PSMD7: variants seen among roughly 807,000 people sequenced by gnomAD.
The protein encoded by PSMD7 is proteasome 26S subunit, non-ATPase 7.
PSMD7 carries 13 observed loss-of-function variants against 36.4 expected under a neutral mutation model. The observed-to-expected ratio is 0.36, with a 90% CI of 0.23 to 0.57. The LOEUF is 0.57. Ranked by LOEUF, PSMD7 falls within the 20% of genes least tolerant of loss-of-function variation. The pLI is 0.83. For synonymous variants in PSMD7, 186 were observed against 151.0 expected (o/e 1.23, Z -1.70); for missense variants, 298 against 393.6 (o/e 0.76, Z 2.06).
At position 74,296,824 on chromosome 16, in the gene PSMD7, G is replaced by A. The variant is rs2034115388; in HGVS notation, c.-91G>A. The A allele has an allele frequency of 1.4e-6, 2 of 1,380,862 alleles. No homozygotes were observed. Among genetic ancestry groups the A allele is most frequent in the Non-Finnish European group, 2.0e-6 (2 of 985,148 alleles). The allele number at this position is 1,380,862 out of a possible 1,614,324, so 85.5% of individuals were successfully genotyped here. A position where few individuals can be genotyped will look rare whatever the true frequency, so the allele number is the denominator to read the frequency against. On this transcript the variant is annotated 5_prime_UTR_variant, in exon 1 of 7. Transcript: ENST00000219313. ...GAGGGCTGACGAACCGGAAGAAGAG[G>A]AACTGGGCCTGAAAGGGTACCGGTG...
At position 74,304,280 on chromosome 16, in the gene PSMD7, T is replaced by G. The variant is rs1466023961; in HGVS notation, c.439-23T>G. 21 of 1,600,746 alleles carry G rather than the reference T, an allele frequency of 1.3e-5. 1 individual carries two copies. The highest frequency in any genetic ancestry group is 9.9e-5 in the South Asian group (9 of 90,784). On this transcript the variant is annotated intron_variant, in intron 5 of 6. Coordinates refer to ENST00000219313, the MANE Select transcript of PSMD7 (RefSeq NM_002811.5). ...AGTTCGTTTGTGGAAAATAAATAAT[T>G]ATAGTTAGGCTTCCTCTCCCAGGAT... is the stretch of plus-strand genomic sequence containing the variant.
At position 74,303,066 on chromosome 16, in the gene PSMD7, G is replaced by GTACA. The variant is rs2034168994; in HGVS notation, c.438+775_438+778dup. ...TTTAGAAAAGGAATTGAGGTTGCTCGTACACATGCACCCCAGTGAAGCAAG... is the reference window on the plus strand; with the variant it reads ...TTTAGAAAAGGAATTGAGGTTGCTCGTACATACACATGCACCCCAGTGAAGCAAG... On this transcript the variant is annotated intron_variant, in intron 5 of 6. Transcript: ENST00000219313. Among the ~76,000 whole-genome samples the GTACA allele has an allele frequency of 2.0e-5, 3 of 152,226 alleles. No individual in the cohort carries two copies. The South Asian group carries it at 6.2e-4, about 32-fold the overall frequency.
chr16:74,302,433 C>G (rs2034163037), intron 5 of PSMD7, 141 bp downstream of exon 5: 3 of 679,600 alleles, frequency 4.4e-6, no homozygotes, highest in South Asian at 3.9e-5. Flanking sequence ...CTTTTTTAAT[C>G]ACCACATTTT....
chr16:74,301,687 T>G, intron 4 of PSMD7, 35 bp downstream of exon 4: 2 of 1,522,618 alleles, frequency 1.3e-6, no homozygotes, highest in Non-Finnish European at 1.8e-6. Flanking sequence ...TCTTGAATGA[T>G]TTTTTTTGCC....
Position 74,306,076 on chromosome 16 carries a change from T to TG in PSMD7, c.*347dup. 5.6e-6 allele frequency: 1 copy of TG among 178,384 alleles called. No homozygotes were observed. Among genetic ancestry groups the TG allele is most frequent in the Non-Finnish European group, 1.2e-5 (1 of 84,798 alleles). The allele number at this position is 178,384 out of a possible 1,614,324, so 11.1% of individuals were successfully genotyped here. ...AATTTTCCTCATCTTGAAAGACTCT[T>TG]GGGGTCTGTTTCTGGTATTTTACAA... On this transcript the variant is annotated 3_prime_UTR_variant, in exon 7 of 7. Coordinates refer to ENST00000219313, the MANE Select transcript of PSMD7 (RefSeq NM_002811.5).
rs1878362929 is a variant in PSMD7, at chr16:74,305,379, T to A, written c.621T>A (p.Asp207Glu). 2 of 1,614,058 alleles carry A rather than the reference T, an allele frequency of 1.2e-6. No homozygotes were observed. The highest frequency in any genetic ancestry group is 1.7e-6 in the Non-Finnish European group (2 of 1,180,038). Residue 207 changes from aspartate (D) to glutamate (E), a missense_variant, in exon 7 of 7, where the codon GAT (aspartate) becomes GAA (glutamate). Asp to Glu is a conservative substitution (Grantham distance 45, BLOSUM62 2). Coordinates refer to ENST00000219313, the MANE Select transcript of PSMD7 (RefSeq NM_002811.5). Reference protein sequence around the residue: ...GLKGLNSKLLDIRSYLEKVAT... With the variant: ...GLKGLNSKLLEIRSYLEKVAT... ...AGGGACTGAACTCCAAGCTTCTGGATATCAGGAGCTACCTGGAAAAAGTCG... is the reference window on the plus strand; with the variant it reads ...AGGGACTGAACTCCAAGCTTCTGGAAATCAGGAGCTACCTGGAAAAAGTCG...
chr16:74,303,372 C>T (rs764520033), intron 5 of PSMD7, among the ~76,000 whole-genome samples: 80 of 152,196 alleles, frequency 5.3e-4, no homozygotes, highest in African/African-American at 1.8e-3. Flanking sequence ...AAATTTGAAC[C>T]CAGGTAGCCT....
chr16:74,302,905 C>T (rs930352894), intron 5 of PSMD7, among the ~76,000 whole-genome samples: 11 of 152,318 alleles, frequency 7.2e-5, no homozygotes, highest in Admixed American at 2.6e-4. Context: ...TTCCTTGCAT[C>T]GAGCTCTGTC....
intron 5 of PSMD7, among the ~76,000 whole-genome samples, chr16:74,302,676 A>G (rs1567526107): frequency 6.6e-6 from 1 of 152,162 alleles, no homozygotes. Flanking sequence ...CCAGGAGTTC[A>G]AGGTTACAGT....
intron 1 of PSMD7, among the ~76,000 whole-genome samples, chr16:74,297,365 T>C (rs371670553): frequency 5.3e-5 from 8 of 151,754 alleles, no homozygotes; most frequent in African/African-American, 1.9e-4. Context: ...GTCACTTCGT[T>C]TTGAAGTTCG....
Position 74,300,104 on chromosome 16 carries a change from T to A in PSMD7, c.75-11T>A, listed in dbSNP as rs75235186. On this transcript the variant is annotated splice_polypyrimidine_tract_variant and intron_variant, in intron 1 of 6. Transcript: ENST00000219313. ...AGCCTATCCACACTGACCATCTGTTTTCTCATTCAGAATCGGCAAGGTTGG... is the reference window on the plus strand; with the variant it reads ...AGCCTATCCACACTGACCATCTGTTATCTCATTCAGAATCGGCAAGGTTGG... The A allele has an allele frequency of 3.9e-4, 634 of 1,613,524 alleles. 3 individuals are homozygous for A. The African/African-American group carries it at 7.2e-3, about 18-fold the overall frequency.
chr16:74,299,659 G>A (rs1365989831), intron 1 of PSMD7: 2 of 425,770 alleles, frequency 4.7e-6, no homozygotes, highest in African/African-American at 2.0e-5. Context: ...CTCTCGAAGT[G>A]CTGGGATTAC....
At chr16:74,304,225 A>C (rs1400850449) in intron 5 of PSMD7, 78 bp from the exon 6 acceptor site, 2 of 1,302,412 alleles carry the variant, frequency 1.5e-6, no homozygotes, top group Non-Finnish European at 2.2e-6. Flanking sequence ...TTAAAGCAAA[A>C]GACTCAGGGT....
intron 4 of PSMD7, among the ~76,000 whole-genome samples, chr16:74,302,005 T>G (rs1287294572): frequency 6.6e-6 from 1 of 152,218 alleles, no homozygotes; most frequent in Non-Finnish European, 1.5e-5. Flanking sequence ...CTAGGCACTG[T>G]ACTGCCCCTC....
Position 74,305,748 on chromosome 16 carries a change from A to T in PSMD7, c.*15A>T. 7.1e-7 allele frequency: 1 copy of T among 1,410,900 alleles called. No homozygotes were observed. The highest frequency in any genetic ancestry group is 1.7e-5 in the South Asian group (1 of 59,248). 87.4% of individuals were successfully genotyped at this position (1,410,900 alleles called of 1,614,324 possible). A position where few individuals can be genotyped will look rare whatever the true frequency, so the allele number is the denominator to read the frequency against. On this transcript the variant is annotated 3_prime_UTR_variant, in exon 7 of 7. Transcript: ENST00000219313. ...AGAAAAAGTAAAACATGTATTAAAT[A>T]GCTTTTTTAATTTGTAAATTAAAAT...
Position 74,305,655 on chromosome 16 carries a change from T to C in PSMD7, c.897T>C (p.Asp299=), listed in dbSNP as rs1303619149. 8 of 1,557,580 alleles carry C rather than the reference T, an allele frequency of 5.1e-6. 1 individual carries two copies. In the South Asian group the frequency reaches 7.2e-5, roughly 14 times the overall value. Residue 299 remains aspartate (D), a synonymous_variant, in exon 7 of 7, where the codon GAT becomes GAC. Coordinates refer to ENST00000219313, the MANE Select transcript of PSMD7 (RefSeq NM_002811.5). ...AGGAGAAAGAAGAGAGCAAAAAGGA[T>C]AGGAAAGAGGACAAGGAGAAAGATA... ...EGQEKEESKK[D]RKEDKEKDKD...
intron 5 of PSMD7, 105 bp from the exon 6 acceptor site, chr16:74,304,197 CT>C: frequency 1.1e-6 from 1 of 946,628 alleles, no homozygotes; most frequent in East Asian, 2.5e-5. Flanking sequence ...CAGTCATGCA[CT>C]CATTAAATGA....
intron 1 of PSMD7, among the ~76,000 whole-genome samples, chr16:74,298,767 G>T (rs970492161): frequency 6.6e-6 from 1 of 152,082 alleles, no homozygotes; most frequent in Non-Finnish European, 1.5e-5. Context: ...TCAGCTACTC[G>T]GGAGGCTGAA....
Position 74,306,079 on chromosome 16 carries a change from G to A in PSMD7, c.*346G>A, listed in dbSNP as rs2034195068. The A allele has an allele frequency of 5.7e-6, 1 of 176,312 alleles. No individual in the cohort carries two copies. Among genetic ancestry groups the A allele is most frequent in the African/African-American group, 2.4e-5 (1 of 42,416 alleles). 10.9% of individuals were successfully genotyped at this position (176,312 alleles called of 1,614,324 possible). A position where few individuals can be genotyped will look rare whatever the true frequency, so the allele number is the denominator to read the frequency against. On this transcript the variant is annotated 3_prime_UTR_variant, in exon 7 of 7. Coordinates refer to ENST00000219313, the MANE Select transcript of PSMD7 (RefSeq NM_002811.5). ...TTTCCTCATCTTGAAAGACTCTTGG[G>A]GTCTGTTTCTGGTATTTTACAAAAT...
Sources: gnomAD v4.1 joint callset for allele counts (sites outside exome capture counted in the v4.1 genomes callset) on GRCh38, gnomAD v4.1.1 for gene constraint, MANE v1.5 for transcripts, NCBI Gene and HGNC (gene_info 2026-07-23, HGNC 2026-07-21) for gene names.